Variants in ERC2 observed in about 807,000 individuals in gnomAD.
ERC2 encodes the protein ERC protein 2.
In ERC2, 42 loss-of-function variants were observed where a neutral mutation model predicts 114.8. That is an observed-to-expected ratio of 0.37 (90% CI 0.29 to 0.47). The LOEUF is 0.47. ERC2 is among the 20% of genes least tolerant of loss of function. The pLI, the probability that ERC2 is intolerant of heterozygous loss-of-function variation, is 0.99. For missense variants in ERC2, 939 were observed against 1,150.7 expected, an observed-to-expected ratio of 0.82 and a Z score of 2.66; for synonymous variants, 454 against 425.5, an observed-to-expected ratio of 1.07 and a Z score of -0.82.
At chr3:55,620,043 C>G (rs2059265771) in intron 17 of ERC2, among the ~76,000 whole-genome samples, 1 of 152,158 alleles carries the variant, frequency 6.6e-6, no homozygotes, top group Admixed American at 6.5e-5. Flanking sequence ...CATTGCCTGG[C>G]AAAATGACTG....
At chr3:56,062,812 A>G (rs2076301140) in intron 7 of ERC2, among the ~76,000 whole-genome samples, 1 of 152,114 alleles carries the variant, frequency 6.6e-6, no homozygotes, top group South Asian at 2.1e-4. Context: ...ACTTGAGCTC[A>G]CCTGGGGTAA....
At chr3:55,568,791 C>T (rs971572103) in intron 17 of ERC2, among the ~76,000 whole-genome samples, 2 of 152,158 alleles carry the variant, frequency 1.3e-5, no homozygotes, top group South Asian at 4.1e-4. Flanking sequence ...CTTCCCTCCT[C>T]GTTCACAGTG....
rs1208238311 is a variant in ERC2, at chr3:55,799,457, A to ATATAT, written c.2565-64544_2565-64540dup. 9.7e-4 allele frequency among the ~76,000 whole-genome samples: 135 copies of ATATAT among 139,284 alleles called. 1 individual carries two copies. The highest frequency in any genetic ancestry group is 3.8e-3 in the African/African-American group (128 of 34,110). 91.4% of individuals were successfully genotyped at this position (139,284 alleles called of 152,430 possible). ...ATGCCTTATATATATATGCATATAT[A>ATATAT]TATATATATATATATATGCCTTATC... On this transcript the variant is annotated intron_variant, in intron 14 of 17. Coordinates refer to ENST00000288221, the MANE Select transcript of ERC2 (RefSeq NM_015576.3).
At chr3:55,780,789 C>T (rs1358142547) in intron 14 of ERC2, among the ~76,000 whole-genome samples, 9 of 152,182 alleles carry the variant, frequency 5.9e-5, no homozygotes, top group Non-Finnish European at 1.3e-4. Context: ...ATCCTGTATT[C>T]AAATTCAGCC....
intron 12 of ERC2, among the ~76,000 whole-genome samples, chr3:55,977,016 T>C (rs1559962543): frequency 1.3e-5 from 2 of 152,206 alleles, no homozygotes; most frequent in Non-Finnish European, 2.9e-5. Context: ...GAAGGCTCTA[T>C]CCATGAGTCA....
intron 7 of ERC2, among the ~76,000 whole-genome samples, chr3:56,052,161 G>A (rs915261443): frequency 6.6e-6 from 1 of 152,164 alleles, no homozygotes. Flanking sequence ...CAGAGGAAGC[G>A]CCATCAAGGA....
At chr3:55,648,013 C>T (rs1298611502) in intron 17 of ERC2, among the ~76,000 whole-genome samples, 1 of 152,036 alleles carries the variant, frequency 6.6e-6, no homozygotes, top group African/African-American at 2.4e-5. Context: ...TGTAACCCAG[C>T]GGGGGGTGGT....
chr3:55,721,281 C>G (rs915666855), intron 15 of ERC2, among the ~76,000 whole-genome samples: 1 of 152,174 alleles, frequency 6.6e-6, no homozygotes, highest in African/African-American at 2.4e-5. Context: ...TTTGTGGGGA[C>G]TATAATAAAA....
At chr3:55,727,409 T>A (rs2064989140) in intron 15 of ERC2, among the ~76,000 whole-genome samples, 1 of 152,124 alleles carries the variant, frequency 6.6e-6, no homozygotes, top group African/African-American at 2.4e-5. Context: ...AATACAAAAG[T>A]TGGATAGTTT....
intron 10 of ERC2, among the ~76,000 whole-genome samples, chr3:56,005,696 A>T (rs2149558299): frequency 6.6e-6 from 1 of 152,118 alleles, no homozygotes; most frequent in South Asian, 2.1e-4. Flanking sequence ...TTTCTTCTCG[A>T]CTCAGCACAC....
intron 6 of ERC2, among the ~76,000 whole-genome samples, chr3:56,115,320 A>G (rs961047577): frequency 1.1e-4 from 16 of 152,274 alleles, no homozygotes; most frequent in Admixed American, 1.0e-3. Flanking sequence ...TTACATAGGC[A>G]TGCCTGATTC....
intron 1 of ERC2, among the ~76,000 whole-genome samples, chr3:56,457,140 T>C (rs555071194): frequency 1.3e-5 from 2 of 152,200 alleles, no homozygotes; most frequent in African/African-American, 4.8e-5. Flanking sequence ...TCTAACAAAG[T>C]CAGTTTCATT....
intron 13 of ERC2, among the ~76,000 whole-genome samples, chr3:55,932,835 T>C (rs1467773021): frequency 6.6e-6 from 1 of 152,198 alleles, no homozygotes; most frequent in Non-Finnish European, 1.5e-5. Context: ...TACTTACCTT[T>C]TAATAAGGAG....
At chr3:55,937,144 C>T (rs1374513540) in intron 13 of ERC2, among the ~76,000 whole-genome samples, 2 of 152,120 alleles carry the variant, frequency 1.3e-5, no homozygotes, top group African/African-American at 4.8e-5. Flanking sequence ...AGTTTGAGAC[C>T]AGCCTGGCCA....
chr3:56,353,340 T>G (rs2058621378), intron 2 of ERC2, among the ~76,000 whole-genome samples: 1 of 151,998 alleles, frequency 6.6e-6, no homozygotes, highest in Admixed American at 6.6e-5. Flanking sequence ...GCACTTAAAA[T>G]CTAAAGTAAT....
chr3:55,802,373 G>A (rs151156214), intron 14 of ERC2, among the ~76,000 whole-genome samples: 51 of 152,252 alleles, frequency 3.3e-4, no homozygotes, highest in Non-Finnish European at 6.6e-4. Context: ...TATAGGGGAC[G>A]GGGAGGTATG....
At chr3:55,626,737 C>T (rs1217244127) in intron 17 of ERC2, among the ~76,000 whole-genome samples, 2 of 152,198 alleles carry the variant, frequency 1.3e-5, no homozygotes, top group Non-Finnish European at 1.5e-5. Context: ...CTTTACCCAC[C>T]ATAGAAGCTC....
At chr3:56,413,272 C>T (rs2061013287) in intron 2 of ERC2, among the ~76,000 whole-genome samples, 1 of 152,242 alleles carries the variant, frequency 6.6e-6, no homozygotes, top group African/African-American at 2.4e-5. Flanking sequence ...CACTGCCATC[C>T]ACCCAGTTTT....
chr3:55,937,086 A>G (rs2066490437), intron 13 of ERC2, among the ~76,000 whole-genome samples: 1 of 152,220 alleles, frequency 6.6e-6, no homozygotes, highest in African/African-American at 2.4e-5. Flanking sequence ...CACGCCTGTA[A>G]TTCCAGCATT....
Sources: allele counts gnomAD v4.1 joint callset (sites outside exome capture counted in the v4.1 genomes callset), GRCh38; gene constraint gnomAD v4.1.1; transcripts MANE v1.5; gene names NCBI Gene and HGNC (gene_info 2026-07-23, HGNC 2026-07-21).